METAP1: variants seen among roughly 807,000 people sequenced by gnomAD.
The protein encoded by METAP1 is methionyl aminopeptidase 1.
Under a neutral mutation model 53.8 loss-of-function variants are expected in METAP1, and 28 were observed. The ratio of observed to expected loss-of-function variants is 0.52; its 90% CI spans 0.39 to 0.71. The LOEUF is 0.71. Among genes scored for constraint, METAP1 ranks in the 30% least tolerant of loss-of-function variants. METAP1 has a pLI of 0.00. For missense variants in METAP1, 389 were observed against 479.8 expected (o/e 0.81, Z 1.77); for synonymous variants, 181 against 165.7 (o/e 1.09, Z -0.71).
intron 1 of METAP1, among the ~76,000 whole-genome samples, chr4:99,017,423 A>G (rs750010669): frequency 1.3e-5 from 2 of 152,266 alleles, no homozygotes; most frequent in Admixed American, 6.5e-5. Context: ...GAGTTTCTCC[A>G]TCCACCACAG....
At chr4:99,001,564 C>G (rs1338182044) in intron 1 of METAP1, among the ~76,000 whole-genome samples, 1 of 152,128 alleles carries the variant, frequency 6.6e-6, no homozygotes, top group Non-Finnish European at 1.5e-5. Flanking sequence ...AATGTCTTAA[C>G]CAGTGTTTTG....
At chr4:99,019,612 T>G (rs1186388187) in intron 1 of METAP1, among the ~76,000 whole-genome samples, 2 of 152,184 alleles carry the variant, frequency 1.3e-5, no homozygotes, top group Admixed American at 6.5e-5. Flanking sequence ...CCCTGGACAC[T>G]GGTCAAAATC....
At chr4:99,005,478 A>T (rs1299089267) in intron 1 of METAP1, among the ~76,000 whole-genome samples, 1 of 152,208 alleles carries the variant, frequency 6.6e-6, no homozygotes, top group African/African-American at 2.4e-5. Flanking sequence ...AAGTCAAAGA[A>T]CAATAGATGT....
chr4:99,041,795 TCTG>T (rs1251321456), intron 6 of METAP1, among the ~76,000 whole-genome samples: 1 of 151,618 alleles, frequency 6.6e-6, no homozygotes, highest in Non-Finnish European at 1.5e-5. Context: ...GGTCCTCTCT[TCTG>T]CTTGGTGATG....
At chr4:99,047,454 C>T (rs1726351819) in intron 8 of METAP1, among the ~76,000 whole-genome samples, 1 of 152,178 alleles carries the variant, frequency 6.6e-6, no homozygotes, top group African/African-American at 2.4e-5. Flanking sequence ...TTCCCCCTCC[C>T]ACCCCAGGCT....
chr4:98,995,902 T>C, intron 1 of METAP1, 35 bp downstream of exon 1: 2 of 1,483,632 alleles, frequency 1.3e-6, no homozygotes, highest in East Asian at 2.6e-5. Flanking sequence ...ATGCCGCCGC[T>C]GCGGGACCCC....
chr4:99,017,878 C>T (rs1723869273), intron 1 of METAP1, among the ~76,000 whole-genome samples: 1 of 152,234 alleles, frequency 6.6e-6, no homozygotes, highest in African/African-American at 2.4e-5. Flanking sequence ...CAACTGGTTG[C>T]CGGTGGTCTC....
chr4:99,002,788 G>GTTAA (rs1220695993), intron 1 of METAP1, among the ~76,000 whole-genome samples: 1 of 152,164 alleles, frequency 6.6e-6, no homozygotes, highest in African/African-American at 2.4e-5. Flanking sequence ...TAAAAACCCT[G>GTTAA]TTAAGGCCAG....
intron 1 of METAP1, among the ~76,000 whole-genome samples, chr4:98,997,208 G>A (rs1284692842): frequency 6.6e-6 from 1 of 152,112 alleles, no homozygotes; most frequent in African/African-American, 2.4e-5. Flanking sequence ...AAAACGTAAA[G>A]ATATAAATAA....
At chr4:99,039,491 G>T (rs371233029) in intron 5 of METAP1, 26 bp downstream of exon 5, 20 of 1,397,348 alleles carry the variant, frequency 1.4e-5, no homozygotes, top group Non-Finnish European at 2.0e-5. Context: ...TCTCCATGGG[G>T]TAGGAAATGT....
intron 4 of METAP1, 44 bp downstream of exon 4, chr4:99,035,504 T>C: frequency 2.1e-6 from 3 of 1,395,854 alleles, no homozygotes; most frequent in Non-Finnish European, 3.0e-6. Flanking sequence ...ATTTGTGGGC[T>C]TGATGACTAC....
At chr4:99,015,976 C>T (rs969886773) in intron 1 of METAP1, among the ~76,000 whole-genome samples, 2 of 152,152 alleles carry the variant, frequency 1.3e-5, no homozygotes, top group African/African-American at 4.8e-5. Flanking sequence ...GATGGGTCCA[C>T]CCCTTCTCGG....
intron 8 of METAP1, among the ~76,000 whole-genome samples, chr4:99,047,187 G>GT (rs762683651): frequency 3.3e-5 from 5 of 152,036 alleles, no homozygotes; most frequent in Non-Finnish European, 7.4e-5. Flanking sequence ...CTTAAGTAGG[G>GT]TTTCTTAGTC....
At chr4:99,036,404 A>T (rs778506934) in intron 4 of METAP1, among the ~76,000 whole-genome samples, 3 of 152,110 alleles carry the variant, frequency 2.0e-5, no homozygotes, top group Non-Finnish European at 2.9e-5. Context: ...TAAATGTAGT[A>T]TTAGCTTGTA....
intron 1 of METAP1, among the ~76,000 whole-genome samples, chr4:99,011,490 C>A (rs567717822): frequency 6.2e-4 from 95 of 152,206 alleles, no homozygotes; most frequent in African/African-American, 2.0e-3. Context: ...TCTTGCATTC[C>A]TGGAATAAAT....
chr4:99,046,083 G>A (rs528547645), intron 8 of METAP1, among the ~76,000 whole-genome samples: 2 of 152,178 alleles, frequency 1.3e-5, no homozygotes, highest in African/African-American at 2.4e-5. Flanking sequence ...ACAACTTATC[G>A]AGGCTTTTTT....
intron 10 of METAP1, 71 bp downstream of exon 10, chr4:99,057,889 T>C (rs920338436): frequency 7.5e-7 from 1 of 1,330,924 alleles, no homozygotes; most frequent in African/African-American, 1.5e-5. Context: ...ATCATGTCAG[T>C]GGTCTTTTCT....
intron 1 of METAP1, chr4:99,022,591 C>G: frequency 7.4e-6 from 5 of 673,856 alleles, no homozygotes; most frequent in Non-Finnish European, 2.7e-6. Context: ...GATGGTCTCA[C>G]ACTTGGCCTG....
At chr4:99,060,089 GTTT>G (rs1213322830) in intron 10 of METAP1, among the ~76,000 whole-genome samples, 1 of 151,608 alleles carries the variant, frequency 6.6e-6, no homozygotes, top group African/African-American at 2.4e-5. Flanking sequence ...ATTCATTCAA[GTTT>G]TTTTTCTGAT....
Sources: allele counts gnomAD v4.1 joint callset (sites outside exome capture counted in the v4.1 genomes callset), GRCh38; gene constraint gnomAD v4.1.1; transcripts MANE v1.5; gene names NCBI Gene and HGNC (gene_info 2026-07-23, HGNC 2026-07-21).